GPC6: variants seen among roughly 807,000 people sequenced by gnomAD.
The protein encoded by GPC6 is glypican-6.
Under a neutral mutation model 55.2 loss-of-function variants are expected in GPC6, and 14 were observed. The observed-to-expected ratio is 0.25, with a 90% CI of 0.17 to 0.40. The LOEUF is 0.40. Among genes scored for constraint, GPC6 ranks in the 10% least tolerant of loss-of-function variants. The pLI is 1.00. For synonymous variants in GPC6, 278 were observed against 259.6 expected, an observed-to-expected ratio of 1.07 and a Z score of -0.68; for missense variants, 641 against 708.5, an observed-to-expected ratio of 0.90 and a Z score of 1.08.
At chr13:94,366,172 T>C (rs1879280008) in intron 6 of GPC6, among the ~76,000 whole-genome samples, 1 of 152,204 alleles carries the variant, frequency 6.6e-6, no homozygotes, top group Non-Finnish European at 1.5e-5. Flanking sequence ...TCAAAGGCCC[T>C]GTGAAGGGGT....
intron 1 of GPC6, among the ~76,000 whole-genome samples, chr13:93,512,474 T>C (rs774905839): frequency 5.3e-5 from 8 of 152,172 alleles, no homozygotes; most frequent in Non-Finnish European, 1.2e-4. Flanking sequence ...AATTGATTTG[T>C]GTATCTTGAA....
At chr13:93,311,371 T>C (rs1266080739) in intron 1 of GPC6, among the ~76,000 whole-genome samples, 3 of 152,192 alleles carry the variant, frequency 2.0e-5, no homozygotes, top group African/African-American at 7.2e-5. Flanking sequence ...GCATTCAGTT[T>C]CTTCTCCCAA....
intron 2 of GPC6, among the ~76,000 whole-genome samples, chr13:93,732,519 T>C (rs919030525): frequency 3.3e-5 from 5 of 152,236 alleles, no homozygotes; most frequent in African/African-American, 1.2e-4. Flanking sequence ...CATAGAGTTT[T>C]GTCATTAGGT....
chr13:94,037,248 C>T (rs1594685509), intron 4 of GPC6, among the ~76,000 whole-genome samples: 1 of 151,964 alleles, frequency 6.6e-6, no homozygotes, highest in East Asian at 1.9e-4. Flanking sequence ...TCAATTAAAT[C>T]CCTGTGGCTG....
chr13:93,621,944 C>A (rs1400067275), intron 2 of GPC6, among the ~76,000 whole-genome samples: 2 of 152,082 alleles, frequency 1.3e-5, no homozygotes, highest in African/African-American at 4.8e-5. Context: ...TGCTATCAAA[C>A]CTTAGATCTT....
chr13:93,789,580 T>TATATATATAAAATACTAC lies in GPC6; in HGVS notation c.320-40565_320-40564insAAATACTACATATATATA, dbSNP rs1885940302. Among the ~76,000 whole-genome samples the TATATATATAAAATACTAC allele has an allele frequency of 6.2e-5, 5 of 81,062 alleles. 1 individual carries two copies. Among genetic ancestry groups the TATATATATAAAATACTAC allele is most frequent in the Non-Finnish European group, 1.1e-4 (4 of 38,020 alleles). 53.2% of individuals were successfully genotyped at this position (81,062 alleles called of 152,430 possible). ...TAGTTAATAATATATATATAAATACTATATATATATAATACTACATATATA... is the reference window on the plus strand; with the variant it reads ...TAGTTAATAATATATATATAAATACTATATATATAAAATACTACATATATATATAATACTACATATATA... On this transcript the variant is annotated intron_variant, in intron 2 of 8. Coordinates refer to ENST00000377047, the MANE Select transcript of GPC6 (RefSeq NM_005708.5).
At chr13:94,310,526 C>G (rs145862602) in intron 6 of GPC6, among the ~76,000 whole-genome samples, 1 of 152,270 alleles carries the variant, frequency 6.6e-6, no homozygotes, top group African/African-American at 2.4e-5. Context: ...TTGTTTTCCT[C>G]TTGCTTCCCA....
At chr13:94,182,041 C>T (rs542825119) in intron 4 of GPC6, among the ~76,000 whole-genome samples, 48 of 152,270 alleles carry the variant, frequency 3.2e-4, no homozygotes, top group Non-Finnish European at 6.3e-4. Flanking sequence ...AGCTGAGCCA[C>T]GCAATGTAGA....
At position 93,424,292 on chromosome 13, in the gene GPC6, C is replaced by T. The variant is rs573739448; in HGVS notation, c.161-120971C>T. On this transcript the variant is annotated intron_variant, in intron 1 of 8. Transcript: ENST00000377047. ...GATTGAGGCAGGGAAGCTCAGCCCT[C>T]GTGCCCCAGCATCGACCAAGTTATT... Among the ~76,000 whole-genome samples, 481 of 152,278 alleles carry T rather than the reference C, an allele frequency of 3.2e-3. 1 individual carries two copies. Among genetic ancestry groups the T allele is most frequent in the Non-Finnish European group, 4.7e-3 (320 of 68,014 alleles).
At chr13:93,457,211 T>A (rs972103253) in intron 1 of GPC6, among the ~76,000 whole-genome samples, 1 of 152,222 alleles carries the variant, frequency 6.6e-6, no homozygotes, top group Admixed American at 6.5e-5. Flanking sequence ...ACACTTCATA[T>A]GGCCTTCTCC....
At chr13:93,475,585 C>G (rs960087550) in intron 1 of GPC6, among the ~76,000 whole-genome samples, 2 of 152,090 alleles carry the variant, frequency 1.3e-5, no homozygotes, top group Admixed American at 6.6e-5. Flanking sequence ...AGAGAGGCAA[C>G]GATCTATGTG....
intron 1 of GPC6, among the ~76,000 whole-genome samples, chr13:93,384,483 A>T (rs1362536851): frequency 4.6e-5 from 7 of 152,112 alleles, no homozygotes; most frequent in Non-Finnish European, 1.0e-4. Context: ...ATTATAAAGA[A>T]TTGCTAACAG....
intron 3 of GPC6, among the ~76,000 whole-genome samples, chr13:93,974,111 T>G (rs1466692156): frequency 6.6e-6 from 1 of 152,180 alleles, no homozygotes. Context: ...CCAAGAGAAG[T>G]GTAACTTTCC....
chr13:93,459,713 C>T (rs900036924), intron 1 of GPC6, among the ~76,000 whole-genome samples: 2 of 152,120 alleles, frequency 1.3e-5, no homozygotes, highest in African/African-American at 4.8e-5. Flanking sequence ...TCTCGATCCT[C>T]CCCTAATTTT....
intron 1 of GPC6, among the ~76,000 whole-genome samples, chr13:93,424,154 A>G (rs756567400): frequency 6.6e-6 from 1 of 152,182 alleles, no homozygotes; most frequent in Non-Finnish European, 1.5e-5. Context: ...AGAGAGAAAG[A>G]AACAGGATTG....
intron 1 of GPC6, among the ~76,000 whole-genome samples, chr13:93,416,163 A>G (rs757348117): frequency 2.0e-5 from 3 of 152,078 alleles, no homozygotes; most frequent in Non-Finnish European, 4.4e-5. Flanking sequence ...AGCACTTCTA[A>G]ATCACTGGGT....
intron 4 of GPC6, 144 bp downstream of exon 4, chr13:94,028,038 A>G (rs9589883): frequency 5.2e-6 from 4 of 771,622 alleles, no homozygotes; most frequent in South Asian, 1.5e-5. Context: ...GCCAGTACAG[A>G]TGGATTGCTT....
intron 1 of GPC6, among the ~76,000 whole-genome samples, chr13:93,496,806 G>A (rs999349034): frequency 3.3e-5 from 5 of 152,172 alleles, no homozygotes; most frequent in Non-Finnish European, 5.9e-5. Context: ...GATTTAATAA[G>A]TTAATATTTG....
intron 1 of GPC6, among the ~76,000 whole-genome samples, chr13:93,505,971 T>C (rs945732500): frequency 5.9e-5 from 9 of 152,218 alleles, no homozygotes; most frequent in African/African-American, 2.2e-4. Context: ...TTCCTAAGAT[T>C]TGGGCTATGT....
Sources: gnomAD v4.1 joint callset for allele counts (sites outside exome capture counted in the v4.1 genomes callset) on GRCh38, gnomAD v4.1.1 for gene constraint, MANE v1.5 for transcripts, NCBI Gene and HGNC (gene_info 2026-07-23, HGNC 2026-07-21) for gene names.